Variants in CNBD1 observed in about 807,000 individuals in gnomAD.
The protein encoded by CNBD1 is cyclic nucleotide binding domain containing 1.
In CNBD1, 71 loss-of-function variants were observed where a neutral mutation model predicts 54.4. That is an observed-to-expected ratio of 1.30 (90% CI 1.08 to 1.59). The LOEUF is 1.59. CNBD1 is among the 40% of genes most tolerant of loss of function. The pLI is 0.00. For synonymous variants in CNBD1, 182 were observed against 170.7 expected, an observed-to-expected ratio of 1.07 and a Z score of -0.51; for missense variants, 659 against 518.0, an observed-to-expected ratio of 1.27 and a Z score of -2.64.
intron 6 of CNBD1, among the ~76,000 whole-genome samples, chr8:87,259,519 A>G (rs183881078): frequency 6.6e-6 from 1 of 152,352 alleles, no homozygotes; most frequent in East Asian, 1.9e-4. Context: ...TACAACTAAA[A>G]GACATTACTG....
chr8:87,344,442 T>A (rs1810129033), intron 8 of CNBD1, among the ~76,000 whole-genome samples: 1 of 152,064 alleles, frequency 6.6e-6, no homozygotes, highest in Admixed American at 6.6e-5. Flanking sequence ...AAAAAATAAT[T>A]TTTAAAAATT....
intron 4 of CNBD1, among the ~76,000 whole-genome samples, chr8:86,962,714 A>C (rs1040388890): frequency 1.3e-5 from 2 of 152,036 alleles, no homozygotes; most frequent in Non-Finnish European, 2.9e-5. Flanking sequence ...TGAACCTGGG[A>C]GGAAGAGCTT....
chr8:87,262,330 T>C (rs1286527387), intron 6 of CNBD1, among the ~76,000 whole-genome samples: 2 of 152,228 alleles, frequency 1.3e-5, no homozygotes, highest in African/African-American at 4.8e-5. Flanking sequence ...TTTCTTTTTC[T>C]TTTCTGATGT....
intron 4 of CNBD1, among the ~76,000 whole-genome samples, chr8:86,942,537 T>C (rs1807352743): frequency 6.6e-6 from 1 of 152,208 alleles, no homozygotes; most frequent in African/African-American, 2.4e-5. Context: ...GGCCCCTCTT[T>C]CTACTAGAGA....
intron 5 of CNBD1, among the ~76,000 whole-genome samples, chr8:87,208,458 G>T (rs1482452746): frequency 6.6e-6 from 1 of 151,592 alleles, no homozygotes; most frequent in Non-Finnish European, 1.5e-5. Context: ...TGTATGTAAT[G>T]TATTTTACAT....
At chr8:86,885,331 A>T (rs1190944072) in intron 1 of CNBD1, among the ~76,000 whole-genome samples, 1 of 152,194 alleles carries the variant, frequency 6.6e-6, no homozygotes. Flanking sequence ...TATATCAATA[A>T]AGATAATCGG....
intron 6 of CNBD1, among the ~76,000 whole-genome samples, chr8:87,281,061 G>A (rs961567700): frequency 6.6e-6 from 1 of 151,532 alleles, no homozygotes; most frequent in Middle Eastern, 3.4e-3. Flanking sequence ...TAAAAATTCA[G>A]AAAATACAGA....
chr8:87,149,816 A>T (rs1275839456), intron 4 of CNBD1, among the ~76,000 whole-genome samples: 1 of 152,128 alleles, frequency 6.6e-6, no homozygotes, highest in African/African-American at 2.4e-5. Context: ...GATTTACGGA[A>T]TAAGGATCAA....
chr8:87,386,226 G>A (rs946637016), downstream of CNBD1, among the ~76,000 whole-genome samples: 10 of 152,304 alleles, frequency 6.6e-5, no homozygotes, highest in South Asian at 4.1e-4. Flanking sequence ...CCAAAGGAAT[G>A]CAGCTCCTCA....
At chr8:86,894,035 A>ATTTT (rs869060076) in intron 2 of CNBD1, among the ~76,000 whole-genome samples, 843 of 52,376 alleles carry the variant, frequency 0.016, 261 homozygotes, top group Non-Finnish European at 0.024. Flanking sequence ...TAATAGATTA[A>ATTTT]TTTTTTTTTT....
At chr8:86,960,628 C>T (rs201750821) in intron 4 of CNBD1, among the ~76,000 whole-genome samples, 1 of 152,164 alleles carries the variant, frequency 6.6e-6, no homozygotes, top group Admixed American at 6.5e-5. Context: ...CAGCTTTGAA[C>T]AGAGTAGTGG....
At chr8:87,332,556 A>G (rs976498716) in intron 8 of CNBD1, among the ~76,000 whole-genome samples, 3 of 152,090 alleles carry the variant, frequency 2.0e-5, no homozygotes, top group Non-Finnish European at 4.4e-5. Context: ...TAATTTTTGC[A>G]TAAGGTTTAA....
intron 4 of CNBD1, among the ~76,000 whole-genome samples, chr8:87,168,103 G>A (rs1813004338): frequency 6.6e-6 from 1 of 151,958 alleles, no homozygotes; most frequent in African/African-American, 2.4e-5. Flanking sequence ...TGACCAAAAT[G>A]TTGTTATGCA....
intron 5 of CNBD1, among the ~76,000 whole-genome samples, chr8:87,228,404 T>A (rs1455836310): frequency 4.0e-5 from 6 of 149,138 alleles, no homozygotes; most frequent in Non-Finnish European, 8.9e-5. Context: ...GATGGTGATG[T>A]ACAGATGGGT....
intron 4 of CNBD1, among the ~76,000 whole-genome samples, chr8:87,092,678 T>G (rs892195900): frequency 6.6e-6 from 1 of 151,994 alleles, no homozygotes; most frequent in African/African-American, 2.4e-5. Context: ...TTGGTACTTT[T>G]CAGAGCTAAT....
Position 86,998,413 on chromosome 8 carries a change from G to A in CNBD1, c.431+58659G>A, listed in dbSNP as rs577905641. Among the ~76,000 whole-genome samples the A allele has an allele frequency of 2.6e-5, 4 of 152,080 alleles. No individual in the cohort carries two copies. In the South Asian group the frequency reaches 8.3e-4, roughly 32 times the overall value. ...TACACGGTGAAATCACCAGCAAAAA[G>A]CACAAAAAATGCAAAAAAACTGGCA... is the stretch of plus-strand genomic sequence containing the variant. On this transcript the variant is annotated intron_variant, in intron 4 of 10. Transcript: ENST00000518476.
downstream of CNBD1, chr8:87,383,006 G>T (rs1811113197): frequency 6.1e-6 from 1 of 164,710 alleles, no homozygotes; most frequent in South Asian, 2.0e-4. Flanking sequence ...TTGACTGTCA[G>T]GGTTTGGATT....
At chr8:87,371,883 A>C (rs1467183984) in intron 10 of CNBD1, among the ~76,000 whole-genome samples, 3 of 152,070 alleles carry the variant, frequency 2.0e-5, no homozygotes, top group South Asian at 2.1e-4. Context: ...CCAATATCAT[A>C]CTGAATGGGC....
rs2130465216 is a variant in CNBD1, at chr8:86,959,153, C to T, written c.431+19399C>T. Among the ~76,000 whole-genome samples the T allele has an allele frequency of 2.0e-5, 3 of 152,272 alleles. 1 individual carries two copies. In the South Asian group the frequency reaches 6.2e-4, roughly 32 times the overall value. On this transcript the variant is annotated intron_variant, in intron 4 of 10. Coordinates refer to ENST00000518476, the MANE Select transcript of CNBD1 (RefSeq NM_173538.3). ...GAAATTCTGGGTTGAAAATTCTTTT[C>T]TTTAAGAATGTTGAATATTGGCCTC...
Sources: gnomAD v4.1 joint callset for allele counts (sites outside exome capture counted in the v4.1 genomes callset) on GRCh38, gnomAD v4.1.1 for gene constraint, MANE v1.5 for transcripts, NCBI Gene and HGNC (gene_info 2026-07-23, HGNC 2026-07-21) for gene names.